FBN2: variants seen among roughly 807,000 people sequenced by gnomAD.
FBN2 encodes the protein fibrillin-2.
A neutral mutation model predicts 355.6 loss-of-function variants in FBN2; 105 were observed. That is an observed-to-expected ratio of 0.30 (90% CI 0.25 to 0.35). The LOEUF is 0.35. Ranked by LOEUF, FBN2 falls within the 10% of genes least tolerant of loss-of-function variation. FBN2 has a pLI of 1.00. For synonymous variants in FBN2, 1,350 were observed against 1,301.2 expected (o/e 1.04, Z -0.81); for missense variants, 3,280 against 3,758.7 (o/e 0.87, Z 3.33).
intron 48 of FBN2, among the ~76,000 whole-genome samples, chr5:128,299,479 A>G (rs1338251190): frequency 4.0e-5 from 6 of 149,310 alleles, no homozygotes; most frequent in Admixed American, 4.0e-4. Flanking sequence ...GTGAGACTCC[A>G]TGGGCATAGG....
At chr5:128,518,838 A>G (rs1186459923) in intron 5 of FBN2, among the ~76,000 whole-genome samples, 1 of 152,198 alleles carries the variant, frequency 6.6e-6, no homozygotes, top group African/African-American at 2.4e-5. Context: ...GAGGCCCACT[A>G]GCTCGAGACT....
chr5:128,355,718 T>A (rs1199673540), intron 20 of FBN2, among the ~76,000 whole-genome samples: 1 of 152,204 alleles, frequency 6.6e-6, no homozygotes, highest in African/African-American at 2.4e-5. Context: ...AAAAAGTACA[T>A]GAAATAATGT....
intron 5 of FBN2, among the ~76,000 whole-genome samples, chr5:128,508,755 A>G (rs539200787): frequency 1.2e-4 from 19 of 152,200 alleles, no homozygotes; most frequent in African/African-American, 2.2e-4. Flanking sequence ...AACTGCCTTA[A>G]TATTTCTTAC....
At position 128,351,013 on chromosome 5, in the gene FBN2, G is replaced by C. The variant is rs1451128883; in HGVS notation, c.2675-8C>G. The C allele has an allele frequency of 7.4e-6, 12 of 1,614,176 alleles. No individual in the cohort carries two copies. Among genetic ancestry groups the C allele is most frequent in the Non-Finnish European group, 9.3e-6 (11 of 1,180,024 alleles). ...AGGTCCCCTTCAGGCTGTCTGAAAA[G>C]GAACAGGAAAGGTTGGGGAGCTCTT... On this transcript the variant is annotated splice_region_variant and splice_polypyrimidine_tract_variant and intron_variant, in intron 20 of 64. Coordinates refer to ENST00000262464, the MANE Select transcript of FBN2 (RefSeq NM_001999.4).
chr5:128,411,546 T>G (rs539321429), intron 7 of FBN2, among the ~76,000 whole-genome samples: 1 of 152,204 alleles, frequency 6.6e-6, no homozygotes, highest in Non-Finnish European at 1.5e-5. Flanking sequence ...TAGTCTCTGA[T>G]GTCCAGCTGC....
intron 4 of FBN2, among the ~76,000 whole-genome samples, chr5:128,525,868 A>G (rs1234034100): frequency 1.3e-5 from 2 of 152,180 alleles, no homozygotes; most frequent in Non-Finnish European, 2.9e-5. Context: ...TTCAAATTCC[A>G]GTGTCTATAA....
At chr5:128,524,042 G>C (rs1165481698) in intron 4 of FBN2, among the ~76,000 whole-genome samples, 3 of 151,966 alleles carry the variant, frequency 2.0e-5, no homozygotes, top group African/African-American at 7.3e-5. Flanking sequence ...TATTTAGGCT[G>C]TAGTCCAAAT....
chr5:128,407,162 T>C (rs903091757), intron 8 of FBN2, among the ~76,000 whole-genome samples: 1 of 152,148 alleles, frequency 6.6e-6, no homozygotes, highest in Non-Finnish European at 1.5e-5. Flanking sequence ...AAATGGTAGT[T>C]CAGTGTCACA....
chr5:128,456,025 C>CAAAAAAAAAAA (rs1754384315), intron 6 of FBN2, among the ~76,000 whole-genome samples: 3 of 46,746 alleles, frequency 6.4e-5, no homozygotes, highest in African/African-American at 2.3e-4. Flanking sequence ...AAAAAAAAAG[C>CAAAAAAAAAAA]AACTGCTGAA....
At chr5:128,309,856 G>C (rs1275944910) in intron 40 of FBN2, 127 bp downstream of exon 40, 1 of 1,091,016 alleles carries the variant, frequency 9.2e-7, no homozygotes, top group East Asian at 2.4e-5. Flanking sequence ...CAGCTTGCAA[G>C]ACTCTGAAAT....
intron 3 of FBN2, among the ~76,000 whole-genome samples, chr5:128,528,885 A>G (rs959904151): frequency 3.3e-5 from 5 of 152,202 alleles, no homozygotes; most frequent in South Asian, 2.1e-4. Flanking sequence ...CTTACACCAC[A>G]TGGTAGCAGT....
At chr5:128,420,305 G>C (rs1179019811) in intron 7 of FBN2, among the ~76,000 whole-genome samples, 2 of 152,148 alleles carry the variant, frequency 1.3e-5, no homozygotes, top group South Asian at 2.1e-4. Context: ...TTATAAACAA[G>C]AAATCTGGCA....
chr5:128,422,806 T>C lies in FBN2; in HGVS notation c.953-14007A>G, dbSNP rs76208487. On this transcript the variant is annotated intron_variant, in intron 7 of 64. Coordinates refer to ENST00000262464, the MANE Select transcript of FBN2 (RefSeq NM_001999.4). ...TGTGTGTAAGAATCACATGGACAGC[T>C]TATTAAACATGCAGATTTTGACTTC... Among the ~76,000 whole-genome samples, 1,127 of 152,304 alleles carry C rather than the reference T, an allele frequency of 7.4e-3. 14 individuals carry two copies. The highest frequency in any genetic ancestry group is 0.025 in the African/African-American group (1,060 of 41,576).
At chr5:128,491,539 C>T (rs1002733018) in intron 5 of FBN2, among the ~76,000 whole-genome samples, 1 of 152,206 alleles carries the variant, frequency 6.6e-6, no homozygotes, top group Non-Finnish European at 1.5e-5. Context: ...GTCATTCACA[C>T]TACCACAACC....
At chr5:128,275,597 TA>T (rs1349200386) in intron 59 of FBN2, among the ~76,000 whole-genome samples, 1 of 152,260 alleles carries the variant, frequency 6.6e-6, no homozygotes, top group African/African-American at 2.4e-5. Flanking sequence ...TTTAATGATC[TA>T]ATTTAGCTTG....
intron 31 of FBN2, among the ~76,000 whole-genome samples, 157 bp from the exon 32 acceptor site, chr5:128,333,191 C>T (rs1372628528): frequency 6.6e-6 from 1 of 152,088 alleles, no homozygotes; most frequent in Non-Finnish European, 1.5e-5. Flanking sequence ...TTTGTAGGCT[C>T]CAAGAGGACT....
intron 62 of FBN2, among the ~76,000 whole-genome samples, chr5:128,267,025 G>A (rs1252024819): frequency 3.3e-5 from 5 of 150,016 alleles, no homozygotes; most frequent in East Asian, 2.0e-4. Flanking sequence ...CTTTCCCTGC[G>A]TCTATGTGTT....
At chr5:128,420,275 T>C (rs921100791) in intron 7 of FBN2, among the ~76,000 whole-genome samples, 1 of 152,156 alleles carries the variant, frequency 6.6e-6, no homozygotes, top group Non-Finnish European at 1.5e-5. Flanking sequence ...TTGGAAGAGA[T>C]CTTACTTATT....
At chr5:128,382,644 T>C (rs1752262287) in intron 11 of FBN2, among the ~76,000 whole-genome samples, 1 of 152,220 alleles carries the variant, frequency 6.6e-6, no homozygotes. Flanking sequence ...CTGCACCTTC[T>C]TATACATGTT....
Sources: gnomAD v4.1 joint callset for allele counts (sites outside exome capture counted in the v4.1 genomes callset) on GRCh38, gnomAD v4.1.1 for gene constraint, MANE v1.5 for transcripts, NCBI Gene and HGNC (gene_info 2026-07-23, HGNC 2026-07-21) for gene names.